The following TGFBR3 variants were observed in gnomAD, a reference collection of about 807,000 sequenced individuals.
The protein encoded by TGFBR3 is transforming growth factor beta receptor 3.
In TGFBR3, 46 loss-of-function variants were observed where a neutral mutation model predicts 87.9. The observed-to-expected ratio is 0.52, with a 90% CI of 0.41 to 0.67. TGFBR3 has a LOEUF of 0.67. TGFBR3 is among the 30% of genes least tolerant of loss of function. The pLI is 0.00. For missense variants in TGFBR3, 866 were observed against 1,041.9 expected (o/e 0.83, Z 2.32); for synonymous variants, 381 against 391.6 (o/e 0.97, Z 0.32).
At chr1:91,718,511 C>T (rs544790102) in intron 10 of TGFBR3, among the ~76,000 whole-genome samples, 1 of 137,166 alleles carries the variant, frequency 7.3e-6, no homozygotes, top group East Asian at 2.5e-4. Flanking sequence ...ACACAGGGAT[C>T]TCTGAGCCTT....
At chr1:91,686,497 A>T (rs534276444) in intron 16 of TGFBR3, among the ~76,000 whole-genome samples, 38 of 152,218 alleles carry the variant, frequency 2.5e-4, no homozygotes, top group Non-Finnish European at 5.3e-4. Flanking sequence ...AAATATTGAA[A>T]GTCCCCTCTT....
intron 16 of TGFBR3, among the ~76,000 whole-genome samples, chr1:91,688,114 C>T (rs1671151262): frequency 6.6e-6 from 1 of 152,158 alleles, no homozygotes; most frequent in African/African-American, 2.4e-5. Flanking sequence ...CAGCAAAATT[C>T]TCCAGGAGGG....
rs6702382 is a variant in TGFBR3 at position 91,800,328 on chromosome 1, A to G, written c.62-2857T>C. ...CATGCATATATGTATATATATGTGT[A>G]TATGTGTGTGTGTGTGTGTGTGTGT... On this transcript the variant is annotated intron_variant, in intron 2 of 16. Coordinates refer to ENST00000212355, the MANE Select transcript of TGFBR3 (RefSeq NM_003243.5). Among the ~76,000 whole-genome samples the G allele has an allele frequency of 4.7e-3, 574 of 122,570 alleles. 5 individuals are homozygous for G. Among genetic ancestry groups the G allele is most frequent in the African/African-American group, 0.017 (524 of 30,946 alleles). 80.4% of individuals were successfully genotyped at this position (122,570 alleles called of 152,430 possible). A position where few individuals can be genotyped will look rare whatever the true frequency, so the allele number is the denominator to read the frequency against.
At chr1:91,698,971 T>C (rs1423594650) in intron 14 of TGFBR3, among the ~76,000 whole-genome samples, 2 of 149,908 alleles carry the variant, frequency 1.3e-5, no homozygotes, top group African/African-American at 4.9e-5. Flanking sequence ...TATTTCCTCC[T>C]CCACATTTGC....
chr1:91,778,175 A>AC (rs1463333140), intron 3 of TGFBR3, among the ~76,000 whole-genome samples: 3 of 150,468 alleles, frequency 2.0e-5, no homozygotes, highest in Non-Finnish European at 4.4e-5. Context: ...AAAAAAAAAA[A>AC]CACACATAAG....
chr1:91,772,174 C>G (rs1007255322), intron 3 of TGFBR3, among the ~76,000 whole-genome samples: 13 of 152,090 alleles, frequency 8.5e-5, no homozygotes, highest in African/African-American at 3.1e-4. Context: ...AGACATAGAC[C>G]CTGATTTGCT....
At position 91,774,489 on chromosome 1, in the gene TGFBR3, G is replaced by GTT. The variant is rs112383842; in HGVS notation, c.247-15741_247-15740dup. ...ATAATTGATACTGAAAGATGAGCAG[G>GTT]TTTTTTTTATTGAAATATAAGTTTC... On this transcript the variant is annotated intron_variant, in intron 3 of 16. Transcript: ENST00000212355. Among the ~76,000 whole-genome samples, 105 of 152,018 alleles carry GTT rather than the reference G, an allele frequency of 6.9e-4. 1 individual carries two copies. Among genetic ancestry groups the GTT allele is most frequent in the African/African-American group, 2.5e-3 (103 of 41,474 alleles).
chr1:91,745,408 CA>C (rs1475092229), intron 4 of TGFBR3, among the ~76,000 whole-genome samples: 2 of 152,172 alleles, frequency 1.3e-5, no homozygotes, highest in East Asian at 3.8e-4. Flanking sequence ...GGCTCAGTTC[CA>C]GGGGGAAAAG....
Position 91,683,214 on chromosome 1 carries a change from G to A in TGFBR3, c.*525C>T, listed in dbSNP as rs1480708600. 2 of 454,526 alleles carry A rather than the reference G, an allele frequency of 4.4e-6. No homozygotes were observed. The highest frequency in any genetic ancestry group is 8.8e-6 in the Non-Finnish European group (2 of 226,858). 28.2% of individuals were successfully genotyped at this position (454,526 alleles called of 1,614,324 possible). A position where few individuals can be genotyped will look rare whatever the true frequency, so the allele number is the denominator to read the frequency against. On this transcript the variant is annotated 3_prime_UTR_variant, in exon 17 of 17. Coordinates refer to ENST00000212355, the MANE Select transcript of TGFBR3 (RefSeq NM_003243.5). ...AGGTTGTGGCAGCAAGGTCAGAAGT[G>A]TGCATCCAGACAAAGGTGCAAATTA... is the stretch of plus-strand genomic sequence containing the variant.
upstream of TGFBR3, chr1:91,886,295 C>A (rs1468686026): frequency 1.3e-5 from 5 of 395,870 alleles, no homozygotes; most frequent in East Asian, 3.0e-4. Flanking sequence ...CCCAGAAACT[C>A]CTCCTCCCGC....
intron 7 of TGFBR3, among the ~76,000 whole-genome samples, chr1:91,722,702 T>C (rs1672412328): frequency 6.6e-6 from 1 of 152,180 alleles, no homozygotes; most frequent in Non-Finnish European, 1.5e-5. Flanking sequence ...AGAGTGCACT[T>C]ACACAAACCT....
intron 14 of TGFBR3, among the ~76,000 whole-genome samples, chr1:91,699,818 C>T (rs1031773683): frequency 2.0e-5 from 3 of 152,178 alleles, no homozygotes; most frequent in African/African-American, 7.2e-5. Context: ...GTAGCTCTGT[C>T]CCTAGCTGGG....
chr1:91,905,727 C>A (rs1174018071), intron 1 of TGFBR3: 1 of 152,224 alleles, frequency 6.6e-6, no homozygotes, highest in African/African-American at 2.4e-5. Context: ...CCAAGTTGAT[C>A]ATTCTTACCC....
chr1:91,822,293 T>TAAAAAA (rs71087974), intron 2 of TGFBR3, among the ~76,000 whole-genome samples: 1 of 93,338 alleles, frequency 1.1e-5, no homozygotes, highest in Non-Finnish European at 1.9e-5. Flanking sequence ...AGCAAAGCAT[T>TAAAAAA]AAAAAAAAAA....
chr1:91,905,882 C>G (rs964889134), exon 1 of TGFBR3: 1 of 152,278 alleles, frequency 6.6e-6, no homozygotes, highest in Non-Finnish European at 1.5e-5. Flanking sequence ...CTGCAGATAG[C>G]TTCTTCCTGC....
intron 10 of TGFBR3, among the ~76,000 whole-genome samples, chr1:91,718,699 A>G (rs1483688168): frequency 2.6e-5 from 4 of 152,230 alleles, no homozygotes; most frequent in African/African-American, 9.6e-5. Context: ...AATGCAGCTT[A>G]GCTATTGCAA....
At chr1:91,811,286 T>C (rs747668372) in intron 2 of TGFBR3, among the ~76,000 whole-genome samples, 1 of 152,178 alleles carries the variant, frequency 6.6e-6, no homozygotes, top group South Asian at 2.1e-4. Flanking sequence ...CACTCCAGTC[T>C]GGGTGACACA....
At chr1:91,836,809 C>G (rs989007065) in intron 2 of TGFBR3, among the ~76,000 whole-genome samples, 2 of 152,128 alleles carry the variant, frequency 1.3e-5, no homozygotes. Flanking sequence ...TTTGCCATGA[C>G]AGTATAACAC....
chr1:91,752,825 C>A (rs1673597846), intron 4 of TGFBR3, among the ~76,000 whole-genome samples: 1 of 151,640 alleles, frequency 6.6e-6, no homozygotes, highest in East Asian at 2.0e-4. Context: ...GAGTTTAAGA[C>A]CAGCCTGGGC....
Sources: allele counts gnomAD v4.1 joint callset (sites outside exome capture counted in the v4.1 genomes callset), GRCh38; gene constraint gnomAD v4.1.1; transcripts MANE v1.5; gene names NCBI Gene and HGNC (gene_info 2026-07-23, HGNC 2026-07-21).